GSN: variants seen among roughly 807,000 people sequenced by gnomAD.
GSN encodes gelsolin, also known as actin-depolymerizing factor.
Under a neutral mutation model 85.7 loss-of-function variants are expected in GSN, and 56 were observed. The observed-to-expected ratio is 0.65, with a 90% CI of 0.53 to 0.82. The LOEUF is 0.82. Among genes scored for constraint, GSN ranks in the 40% least tolerant of loss-of-function variants. The pLI, the probability that GSN is intolerant of heterozygous loss-of-function variation, is 0.00. For synonymous variants in GSN, 373 were observed against 399.1 expected (o/e 0.93, Z 0.78); for missense variants, 857 against 979.8 (o/e 0.87, Z 1.67).
intron 4 of GSN, among the ~76,000 whole-genome samples, chr9:121,305,854 C>T (rs1308307499): frequency 2.0e-5 from 3 of 152,254 alleles, no homozygotes; most frequent in Non-Finnish European, 4.4e-5. Flanking sequence ...CGCCCCGGCG[C>T]CCTCATCAAT....
At chr9:121,216,672 C>A (rs1017718989) in intron 4 of GSN, among the ~76,000 whole-genome samples, 2 of 152,184 alleles carry the variant, frequency 1.3e-5, no homozygotes, top group African/African-American at 4.8e-5. Context: ...GGACTTCTCC[C>A]TGTTTTCTTG....
At chr9:121,295,271 GCT>G (rs1286061433) in intron 2 of GSN, among the ~76,000 whole-genome samples, 3 of 152,212 alleles carry the variant, frequency 2.0e-5, no homozygotes, top group Non-Finnish European at 4.4e-5. Context: ...TGTCCACAGG[GCT>G]TGCCGGAACT....
intron 4 of GSN, among the ~76,000 whole-genome samples, chr9:121,214,336 A>G (rs1053446332): frequency 6.7e-6 from 1 of 148,926 alleles, no homozygotes; most frequent in African/African-American, 2.5e-5. Context: ...TTCTTCTTCC[A>G]TAAGCCAGAA....
intron 6 of GSN, among the ~76,000 whole-genome samples, chr9:121,250,561 A>G (rs548900545): frequency 3.3e-5 from 5 of 149,322 alleles, no homozygotes; most frequent in African/African-American, 5.0e-5. Context: ...GCTTTGAGAT[A>G]GGGTCTGGCT....
At chr9:121,235,023 G>C (rs1486339327) in intron 5 of GSN, among the ~76,000 whole-genome samples, 1 of 152,174 alleles carries the variant, frequency 6.6e-6, no homozygotes, top group Non-Finnish European at 1.5e-5. Context: ...AAAGGCTGCA[G>C]ACCAAGATGG....
At chr9:121,227,485 G>T (rs889024123) in intron 4 of GSN, among the ~76,000 whole-genome samples, 1 of 152,148 alleles carries the variant, frequency 6.6e-6, no homozygotes, top group Admixed American at 6.6e-5. Flanking sequence ...ACCCAAGTAG[G>T]TGGTAGTGGG....
chr9:121,212,818 A>G (rs1233097915), intron 4 of GSN, among the ~76,000 whole-genome samples: 1 of 151,568 alleles, frequency 6.6e-6, no homozygotes, highest in African/African-American at 2.4e-5. Flanking sequence ...TAATTTTTGT[A>G]TATTTTTTTT....
chr9:121,272,713 C>T (rs1475744725), intron 1 of GSN, among the ~76,000 whole-genome samples: 6 of 152,180 alleles, frequency 3.9e-5, no homozygotes. Flanking sequence ...TGTATGTTCA[C>T]CTTTTGCTTT....
At chr9:121,280,017 C>T (rs1294982645) in intron 1 of GSN, 3 of 152,262 alleles carry the variant, frequency 2.0e-5, no homozygotes, top group Non-Finnish European at 4.4e-5. Context: ...GTGTCAGTCA[C>T]AATGCACAAG....
rs1234244012 is a variant in GSN, at chr9:121,299,786, G to A, written c.-9-2177G>A. 7 of 1,237,924 alleles carry A rather than the reference G, an allele frequency of 5.7e-6. No homozygotes were observed. The highest frequency in any genetic ancestry group is 7.1e-6 in the Non-Finnish European group (7 of 983,950). 76.7% of individuals were successfully genotyped at this position (1,237,924 alleles called of 1,614,324 possible). ...GGGGGGCGGTCCCCGGCTTGGGCGG[G>A]ATGGGCGGGCGGCTACTTAAGGTCG... On this transcript the variant is annotated intron_variant, in intron 2 of 17. Transcript: ENST00000432226. The surrounding 1 kb of genome is among the most constrained non-coding windows in gnomAD (Gnocchi z 4.2).
At position 121,318,796 on chromosome 9, in the gene GSN, G is replaced by A; in HGVS notation, c.1107G>A (p.Val369=). Residue 369 remains valine, a synonymous_variant, in exon 10 of 18, where the codon GTG becomes GTA. Transcript: ENST00000432226. This position sits in a 1 kb window ranked among gnomAD's most constrained non-coding sequence, Gnocchi z 4.3. ...GCCATATCGCCAACGTGGAGCGGGT[G>A]CCCTTCGACGCCGCCACCCTGCACA... ...LSSHIANVER[V]PFDAATLHTS... The A allele has an allele frequency of 6.2e-7, 1 of 1,614,138 alleles. No homozygotes were observed. Among genetic ancestry groups the A allele is most frequent in the East Asian group, 2.2e-5 (1 of 44,880 alleles).
In GSN at chr9:121,299,162, T is replaced by G. The variant is rs910444233; in HGVS notation, c.-9-2801T>G. 2 of 247,642 alleles carry G rather than the reference T, an allele frequency of 8.1e-6. No individual in the cohort carries two copies. Among genetic ancestry groups the G allele is most frequent in the Non-Finnish European group, 1.3e-5 (2 of 155,150 alleles). 15.3% of individuals were successfully genotyped at this position (247,642 alleles called of 1,614,324 possible). A position where few individuals can be genotyped will look rare whatever the true frequency, so the allele number is the denominator to read the frequency against. On this transcript the variant is annotated intron_variant, in intron 2 of 17. Coordinates refer to ENST00000432226, the MANE Select transcript of GSN (RefSeq NM_198252.3). The surrounding 1 kb of genome is among the most constrained non-coding windows in gnomAD (Gnocchi z 4.2). Reference sequence around the variant, plus strand: ...TACGTTTTGATCAAAATAAGACTTTTAAAAAACAAACACTTTTTAAAAAGA... The same window carrying G: ...TACGTTTTGATCAAAATAAGACTTTGAAAAAACAAACACTTTTTAAAAAGA...
intron 4 of GSN, among the ~76,000 whole-genome samples, chr9:121,223,573 G>A (rs545061181): frequency 6.6e-6 from 1 of 152,236 alleles, no homozygotes; most frequent in East Asian, 1.9e-4. Flanking sequence ...CTCCGGGAGT[G>A]TCAGGCACTG....
Position 121,299,824 on chromosome 9 carries a change from C to G in GSN, c.-9-2139C>G. On this transcript the variant is annotated intron_variant, in intron 2 of 17. Transcript: ENST00000432226. This position sits in a 1 kb window ranked among gnomAD's most constrained non-coding sequence, Gnocchi z 4.2. ...CTACTTAAGGTCGGCGACCCGAGGC[C>G]GCGGCTGCCGACTGGGTCCCCTGCC... 2 of 1,317,342 alleles carry G rather than the reference C, an allele frequency of 1.5e-6. No individual in the cohort carries two copies. Among genetic ancestry groups the G allele is most frequent in the Non-Finnish European group, 1.9e-6 (2 of 1,026,478 alleles). The allele number at this position is 1,317,342 out of a possible 1,614,324, so 81.6% of individuals were successfully genotyped here.
chr9:121,310,244 T>C (rs2060940640), intron 4 of GSN: 1 of 282,798 alleles, frequency 3.5e-6, no homozygotes, highest in South Asian at 3.6e-5. Context: ...TGAGAAGCAT[T>C]CCCTATGCTT....
intron 1 of GSN, among the ~76,000 whole-genome samples, chr9:121,275,283 A>G (rs1588611924): frequency 6.6e-6 from 1 of 152,236 alleles, no homozygotes; most frequent in African/African-American, 2.4e-5. Flanking sequence ...CCTTGAGGAC[A>G]TCACCTCACT....
chr9:121,214,100 C>T (rs1339460423), intron 4 of GSN, among the ~76,000 whole-genome samples: 4 of 152,294 alleles, frequency 2.6e-5, no homozygotes, highest in Middle Eastern at 3.4e-3. Context: ...GAAGATTCAA[C>T]GAGTGCATGC....
At chr9:121,224,400 A>G (rs2054233846) in intron 4 of GSN, among the ~76,000 whole-genome samples, 1 of 152,156 alleles carries the variant, frequency 6.6e-6, no homozygotes, top group Non-Finnish European at 1.5e-5. Context: ...CGCCCGGTCT[A>G]TACATTTATT....
intron 8 of GSN, chr9:121,317,986 C>A (rs1363702388): frequency 7.6e-6 from 2 of 261,906 alleles, no homozygotes; most frequent in East Asian, 1.9e-4. Context: ...GCCAGGAGCT[C>A]CTTGGCACGG....
Sources: allele counts gnomAD v4.1 joint callset (sites outside exome capture counted in the v4.1 genomes callset), GRCh38; gene constraint gnomAD v4.1.1; non-coding constraint Gnocchi (gnomAD v3.1); transcripts MANE v1.5; gene names NCBI Gene and HGNC (gene_info 2026-07-23, HGNC 2026-07-21).